TMPRSS11D: variants seen among roughly 807,000 people sequenced by gnomAD.
TMPRSS11D encodes transmembrane serine protease 11D.
In TMPRSS11D, 32 loss-of-function variants were observed where a neutral mutation model predicts 44.4. The observed-to-expected ratio is 0.72, with a 90% CI of 0.54 to 0.97. The LOEUF (loss-of-function observed/expected upper bound fraction) is 0.97. Ranked by LOEUF, TMPRSS11D falls within the 50% of genes least tolerant of loss-of-function variation. The pLI, the probability that TMPRSS11D is intolerant of heterozygous loss-of-function variation, is 0.00. For missense variants in TMPRSS11D, 446 were observed against 502.6 expected (o/e 0.89, Z 1.08); for synonymous variants, 179 against 177.9 (o/e 1.01, Z -0.05).
chr4:67,836,998 A>C (rs1718105875), intron 5 of TMPRSS11D, among the ~76,000 whole-genome samples: 1 of 152,134 alleles, frequency 6.6e-6, no homozygotes. Flanking sequence ...TTTCTTCCCC[A>C]GATTCCTGCA....
chr4:67,881,993 T>C (rs960797152), intron 1 of TMPRSS11D, among the ~76,000 whole-genome samples: 6 of 152,192 alleles, frequency 3.9e-5, no homozygotes, highest in Non-Finnish European at 8.8e-5. Context: ...AGATATTCCC[T>C]TGGTGAACCT....
intron 2 of TMPRSS11D, among the ~76,000 whole-genome samples, 198 bp from the exon 3 acceptor site, chr4:67,854,384 G>A (rs938277315): frequency 1.3e-5 from 2 of 152,090 alleles, no homozygotes; most frequent in African/African-American, 2.4e-5. Flanking sequence ...AGCCAGAGTG[G>A]TGTAGATGTT....
chr4:67,862,085 G>A (rs1276283715), intron 1 of TMPRSS11D, among the ~76,000 whole-genome samples: 3 of 151,992 alleles, frequency 2.0e-5, no homozygotes, highest in African/African-American at 7.2e-5. Flanking sequence ...ATATTCTATT[G>A]TGACCCATTT....
intron 7 of TMPRSS11D, among the ~76,000 whole-genome samples, chr4:67,827,747 G>A (rs1440972961): frequency 6.6e-6 from 1 of 151,928 alleles, no homozygotes; most frequent in Non-Finnish European, 1.5e-5. Context: ...CATATCGTGG[G>A]GTGATCTTGG....
chr4:67,871,494 C>T (rs1719062701), intron 1 of TMPRSS11D, among the ~76,000 whole-genome samples: 1 of 152,128 alleles, frequency 6.6e-6, no homozygotes, highest in Admixed American at 6.5e-5. Flanking sequence ...CGGTAGTTTG[C>T]CATGTTTTCC....
intron 1 of TMPRSS11D, among the ~76,000 whole-genome samples, chr4:67,864,184 C>T (rs1718861746): frequency 6.6e-6 from 1 of 151,964 alleles, no homozygotes; most frequent in Non-Finnish European, 1.5e-5. Context: ...TACCTGTTTA[C>T]CGATTTACCT....
At position 67,821,296 on chromosome 4, in the gene TMPRSS11D, G is replaced by A. The variant is rs1717629216; in HGVS notation, c.*1041C>T. The A allele has an allele frequency of 6.6e-6, 1 of 152,062 alleles. No individual in the cohort carries two copies. Among genetic ancestry groups the A allele is most frequent in the Non-Finnish European group, 1.5e-5 (1 of 68,006 alleles). 9.4% of individuals were successfully genotyped at this position (152,062 alleles called of 1,614,324 possible). A position where few individuals can be genotyped will look rare whatever the true frequency, so the allele number is the denominator to read the frequency against. ...AGAGAAAGAAAATGAGAGAGGAAGA[G>A]TGACAAAGTTTTTTCTGTCTTCAGG... On this transcript the variant is annotated 3_prime_UTR_variant, in exon 10 of 10. Transcript: ENST00000283916.
intron 1 of TMPRSS11D, among the ~76,000 whole-genome samples, chr4:67,878,399 G>A (rs1899219): frequency 0.71 from 107,228 of 152,030 alleles, 38,141 homozygotes; most frequent in East Asian, 0.84. Flanking sequence ...AATGTTTTCA[G>A]TGATGGTTGT....
At chr4:67,837,534 G>T (rs1718122022) in intron 5 of TMPRSS11D, among the ~76,000 whole-genome samples, 1 of 152,140 alleles carries the variant, frequency 6.6e-6, no homozygotes, top group African/African-American at 2.4e-5. Context: ...TCATCGAGAA[G>T]AAATAATGGC....
intron 3 of TMPRSS11D, among the ~76,000 whole-genome samples, chr4:67,852,589 C>A (rs1248093557): frequency 6.6e-6 from 1 of 152,062 alleles, no homozygotes; most frequent in Non-Finnish European, 1.5e-5. Flanking sequence ...TCATTGAAAC[C>A]AAGTTATGAG....
chr4:67,872,626 TA>T (rs997632575), intron 1 of TMPRSS11D, among the ~76,000 whole-genome samples: 1 of 152,214 alleles, frequency 6.6e-6, no homozygotes, highest in African/African-American at 2.4e-5. Context: ...ATAAAGTGGT[TA>T]AAATTAAATT....
chr4:67,851,729 G>A (rs564922543), intron 3 of TMPRSS11D, among the ~76,000 whole-genome samples: 12 of 152,198 alleles, frequency 7.9e-5, no homozygotes, highest in East Asian at 3.9e-4. Context: ...CTTTCATTTC[G>A]GTTTCCTCTT....
chr4:67,842,753 T>G (rs1718262697), intron 3 of TMPRSS11D, 128 bp from the exon 4 acceptor site: 2 of 799,216 alleles, frequency 2.5e-6, no homozygotes, highest in Middle Eastern at 2.9e-4. Context: ...TTCAACCTAA[T>G]TCCATTGCAA....
At chr4:67,881,883 C>A (rs1719327580) in intron 1 of TMPRSS11D, among the ~76,000 whole-genome samples, 1 of 152,174 alleles carries the variant, frequency 6.6e-6, no homozygotes, top group South Asian at 2.1e-4. Context: ...GCTCATTTAC[C>A]TTAAATCTTT....
chr4:67,832,664 G>C (rs1265115118), intron 7 of TMPRSS11D, among the ~76,000 whole-genome samples: 2 of 149,930 alleles, frequency 1.3e-5, no homozygotes, highest in Non-Finnish European at 3.0e-5. Flanking sequence ...TATACTAGTA[G>C]CTTCTACAAT....
intron 1 of TMPRSS11D, among the ~76,000 whole-genome samples, chr4:67,874,122 G>C (rs963209683): frequency 6.6e-6 from 1 of 152,138 alleles, no homozygotes; most frequent in Non-Finnish European, 1.5e-5. Context: ...ATTCAGTACA[G>C]TAACGTGCTA....
intron 7 of TMPRSS11D, among the ~76,000 whole-genome samples, chr4:67,831,043 A>ATAG: frequency 6.6e-6 from 1 of 152,264 alleles, no homozygotes; most frequent in East Asian, 1.9e-4. Context: ...TGTATAAGGA[A>ATAG]TAGTATGAGT....
intron 1 of TMPRSS11D, among the ~76,000 whole-genome samples, chr4:67,866,980 A>G (rs1259784777): frequency 6.6e-6 from 1 of 151,502 alleles, no homozygotes; most frequent in Non-Finnish European, 1.5e-5. Context: ...TAGAAAAAAA[A>G]TCCTAAAATT....
In TMPRSS11D at chr4:67,832,242, G is replaced by A. The variant is rs1009534790; in HGVS notation, c.692+962C>T. On this transcript the variant is annotated intron_variant, in intron 7 of 9. Transcript: ENST00000283916. ...GTGTGATAAGGAGGTCCAGTTTAGA[G>A]TAAGAGTCTGAGAAGAAAATTGATA... is the stretch of plus-strand genomic sequence containing the variant. Among the ~76,000 whole-genome samples the A allele has an allele frequency of 1.1e-4, 17 of 152,130 alleles. No homozygotes were observed. The South Asian group carries it at 3.3e-3, about 30-fold the overall frequency.
Sources: allele counts gnomAD v4.1 joint callset (sites outside exome capture counted in the v4.1 genomes callset), GRCh38; gene constraint gnomAD v4.1.1; transcripts MANE v1.5; gene names NCBI Gene and HGNC (gene_info 2026-07-23, HGNC 2026-07-21).